The following WDR48 variants were observed in gnomAD, a reference collection of about 807,000 sequenced individuals.
The protein encoded by WDR48 is WD repeat domain 48.
WDR48 carries 22 observed loss-of-function variants against 94.0 expected under a neutral mutation model. The ratio of observed to expected loss-of-function variants is 0.23; its 90% CI spans 0.17 to 0.33. The LOEUF is 0.33. Among genes scored for constraint, WDR48 ranks in the 10% least tolerant of loss-of-function variants. The probability of loss-of-function intolerance (pLI) is 1.00; values close to 1 mark genes in which losing one functional copy is unlikely to be tolerated. For synonymous variants in WDR48, 278 were observed against 280.5 expected, an observed-to-expected ratio of 0.99 and a Z score of 0.09; for missense variants, 541 against 813.8, an observed-to-expected ratio of 0.66 and a Z score of 4.08.
chr3:39,077,081 C>T (rs2034265454), intron 8 of WDR48, 58 bp from the exon 9 acceptor site: 1 of 1,587,832 alleles, frequency 6.3e-7, no homozygotes, highest in East Asian at 2.2e-5. Context: ...ATATCTAGTC[C>T]TGGCAGTTCA....
chr3:39,087,267 G>A (rs945528736), intron 14 of WDR48, among the ~76,000 whole-genome samples: 13 of 152,180 alleles, frequency 8.5e-5, no homozygotes, highest in African/African-American at 2.9e-4. Context: ...GGAGCTAGGC[G>A]TGATGGCTCA....
rs937686580 is a variant in WDR48 at position 39,088,144 on chromosome 3, G to A, written c.1491G>A (p.Glu497=). ...NEVNHVNGEQ[E]NRVQKGNGYF... Reference sequence around the variant, plus strand: ...TTTTCCTAGTAAATGGGGAGCAGGAGAACCGAGTGCAGAAGGGAAATGGAT... The same window carrying A: ...TTTTCCTAGTAAATGGGGAGCAGGAAAACCGAGTGCAGAAGGGAAATGGAT... The change falls in exon 15 of 19, where the codon GAG becomes GAA. Residue 497 remains glutamate, a synonymous_variant. Coordinates refer to ENST00000302313, the MANE Select transcript of WDR48 (RefSeq NM_020839.4). 1.9e-6 allele frequency: 3 copies of A among 1,614,014 alleles called. No homozygotes were observed. Among genetic ancestry groups the A allele is most frequent in the Admixed American group, 1.7e-5 (1 of 59,996 alleles).
rs1011253317 is a variant in WDR48 at position 39,078,903 on chromosome 3, A to G, written c.1075+664A>G. 3.4e-4 allele frequency among the ~76,000 whole-genome samples: 52 copies of G among 151,116 alleles called. 1 individual carries two copies. The highest frequency in any genetic ancestry group is 1.9e-3 in the Admixed American group (29 of 15,218). On this transcript the variant is annotated intron_variant, in intron 10 of 18. Transcript: ENST00000302313. ...AAATTAGCTGGGCGTAGTGGCGGGCACCTGTAGTCCCAGCTACTTGGGAGG... is the reference window on the plus strand; with the variant it reads ...AAATTAGCTGGGCGTAGTGGCGGGCGCCTGTAGTCCCAGCTACTTGGGAGG...
At chr3:39,064,659 C>T (rs912795856) in intron 2 of WDR48, among the ~76,000 whole-genome samples, 2 of 152,198 alleles carry the variant, frequency 1.3e-5, no homozygotes, top group East Asian at 3.9e-4. Context: ...AGTACCCAGC[C>T]CAACTTGAAA....
At position 39,094,085 on chromosome 3, in the gene WDR48, T is replaced by C; in HGVS notation, c.1938+19T>C. On this transcript the variant is annotated intron_variant, in intron 18 of 18. Transcript: ENST00000302313. The stretch of plus-strand genomic sequence containing the variant: ...GGACCAGGTAAGTGGACTTGAGGAC[T>C]ACAGCCCCAATTTTTCCAGTGCTGG... 1 of 1,597,330 alleles carries C rather than the reference T, an allele frequency of 6.3e-7. No individual in the cohort carries two copies. Among genetic ancestry groups the C allele is most frequent in the Non-Finnish European group, 8.5e-7 (1 of 1,174,574 alleles).
chr3:39,082,102 A>T (rs2034565944), intron 11 of WDR48, among the ~76,000 whole-genome samples: 1 of 152,124 alleles, frequency 6.6e-6, no homozygotes, highest in East Asian at 1.9e-4. Flanking sequence ...CATTCCTAAA[A>T]TGTCGGGGGT....
intron 1 of WDR48, among the ~76,000 whole-genome samples, chr3:39,059,619 CT>C (rs1278174969): frequency 6.6e-6 from 1 of 152,138 alleles, no homozygotes; most frequent in Non-Finnish European, 1.5e-5. Flanking sequence ...CAAACAAAAG[CT>C]GGTTTGAGTA....
At chr3:39,066,475 A>G (rs550238303) in intron 3 of WDR48, 73 bp from the exon 4 acceptor site, 11 of 1,252,450 alleles carry the variant, frequency 8.8e-6, no homozygotes, top group African/African-American at 3.0e-5. Flanking sequence ...ATAATGTTAC[A>G]TTGTTGTAAG....
intron 2 of WDR48, among the ~76,000 whole-genome samples, chr3:39,064,473 C>T (rs1383425826): frequency 6.6e-6 from 1 of 152,090 alleles, no homozygotes; most frequent in Non-Finnish European, 1.5e-5. Context: ...CGGGGTTTCA[C>T]CATGTGGGTC....
At chr3:39,084,839 T>C in intron 13 of WDR48, 98 bp downstream of exon 13, 1 of 975,152 alleles carries the variant, frequency 1.0e-6, no homozygotes, top group Non-Finnish European at 1.5e-6. Flanking sequence ...AAGTTCTCTA[T>C]ATTTTGTTGA....
chr3:39,078,266 C>A, intron 10 of WDR48, 27 bp downstream of exon 10: 2 of 1,496,366 alleles, frequency 1.3e-6, no homozygotes, highest in South Asian at 1.2e-5. Context: ...TACTGTACCC[C>A]TTATTGAAGT....
In WDR48 at chr3:39,094,642, A is replaced by T. The variant is rs199552423; in HGVS notation, c.1939-6A>T. The T allele has an allele frequency of 6.2e-7, 1 of 1,614,134 alleles. No individual in the cohort carries two copies. Among genetic ancestry groups the T allele is most frequent in the East Asian group, 2.2e-5 (1 of 44,878 alleles). On this transcript the variant is annotated splice_polypyrimidine_tract_variant and splice_region_variant and intron_variant, in intron 18 of 18. Transcript: ENST00000302313. ...GAAATTTTTAAATTTAATTTTGGCT[A>T]TTCAGGTTTTGGATCCAAATATGGA...
intron 16 of WDR48, chr3:39,090,931 A>C (rs2035045542): frequency 6.6e-6 from 1 of 152,204 alleles, no homozygotes; most frequent in Non-Finnish European, 1.5e-5. Flanking sequence ...TTTGAGTGTG[A>C]AACTCACCTG....
chr3:39,068,733 T>G, intron 5 of WDR48, 38 bp from the exon 6 acceptor site: 19 of 1,506,988 alleles, frequency 1.3e-5, no homozygotes, highest in Middle Eastern at 1.7e-4. Context: ...AAACAGCTGA[T>G]GATCTTGTTA....
rs900249873 is a variant in WDR48, at chr3:39,094,333, C to T, written c.1938+267C>T. 3.0e-5 allele frequency: 43 copies of T among 1,422,388 alleles called. No homozygotes were observed. In the African/African-American group the frequency reaches 5.6e-4, roughly 19 times the overall value. 88.1% of individuals were successfully genotyped at this position (1,422,388 alleles called of 1,614,324 possible). A position where few individuals can be genotyped will look rare whatever the true frequency, so the allele number is the denominator to read the frequency against. Reference sequence around the variant, plus strand: ...CTTCTTGATTTGCAAAAAGCATGTGCCATGTTTATGATTTAGAGTGAAGGT... The same window carrying T: ...CTTCTTGATTTGCAAAAAGCATGTGTCATGTTTATGATTTAGAGTGAAGGT... On this transcript the variant is annotated intron_variant, in intron 18 of 18. Coordinates refer to ENST00000302313, the MANE Select transcript of WDR48 (RefSeq NM_020839.4).
intron 11 of WDR48, 103 bp from the exon 12 acceptor site, chr3:39,084,052 C>T (rs6777201): frequency 0.12 from 90,292 of 744,310 alleles, 6,082 homozygotes; most frequent in African/African-American, 0.22. Flanking sequence ...TAGACTGTTT[C>T]ACTTAGACAC....
intron 10 of WDR48, 108 bp from the exon 11 acceptor site, chr3:39,079,603 G>A: frequency 1.4e-6 from 1 of 712,976 alleles, no homozygotes; most frequent in Non-Finnish European, 2.2e-6. Flanking sequence ...CTTTCTAGTA[G>A]CTAGTACAGT....
intron 18 of WDR48, chr3:39,094,303 A>G (rs536032206): frequency 9.1e-6 from 13 of 1,424,994 alleles, no homozygotes; most frequent in Middle Eastern, 2.6e-4. Context: ...AAAAAGACAC[A>G]TGGTCTTCTT....
At chr3:39,053,371 T>G (rs879798332) in intron 1 of WDR48, among the ~76,000 whole-genome samples, 2 of 152,218 alleles carry the variant, frequency 1.3e-5, no homozygotes, top group Non-Finnish European at 2.9e-5. Flanking sequence ...AGTTCACATC[T>G]TGGTTTTATT....
Sources: gnomAD v4.1 joint callset for allele counts (sites outside exome capture counted in the v4.1 genomes callset) on GRCh38, gnomAD v4.1.1 for gene constraint, MANE v1.5 for transcripts, NCBI Gene and HGNC (gene_info 2026-07-23, HGNC 2026-07-21) for gene names.